The following RASEF variants were observed in gnomAD, a reference collection of about 807,000 sequenced individuals.
RASEF encodes the protein RAS and EF-hand domain containing.
Under a neutral mutation model 90.1 loss-of-function variants are expected in RASEF, and 68 were observed. The observed-to-expected ratio is 0.75, with a 90% CI of 0.62 to 0.92. The LOEUF (loss-of-function observed/expected upper bound fraction) is 0.92. Among genes scored for constraint, RASEF ranks in the 40% least tolerant of loss-of-function variants. RASEF has a pLI of 0.00. For missense variants in RASEF, 949 were observed against 937.2 expected (o/e 1.01, Z -0.16); for synonymous variants, 331 against 345.2 (o/e 0.96, Z 0.46).
chr9:83,177,916 C>A, the RASEF span, among the ~76,000 whole-genome samples: 1 of 151,978 alleles, frequency 6.6e-6, no homozygotes, highest in Non-Finnish European at 1.5e-5. Flanking sequence ...GGCATGCTTA[C>A]CGATTTTCTT....
chr9:83,095,600 G>A, the RASEF span, among the ~76,000 whole-genome samples: 19 of 151,658 alleles, frequency 1.3e-4, no homozygotes, highest in Non-Finnish European at 2.5e-4. Context: ...ATTTTAATTC[G>A]AAGTTTATAG....
rs1217162391 is a variant in RASEF, at chr9:82,990,453, T to A, written c.2055A>T (p.Leu685Phe). 1.9e-6 allele frequency: 3 copies of A among 1,612,394 alleles called. No homozygotes were observed. The South Asian group carries it at 3.3e-5, about 18-fold the overall frequency. ...GEKLAMTYGA[L>F]FCETSAKDGS... ...CATCTTTGGCACTTGTTTCACAGAA[T>A]AATGCCCCATACGTCTGTAAAAAAG... The change falls in exon 16 of 17, where the codon TTA becomes TTT. Residue 685 changes from leucine (L) to phenylalanine (F), a missense_variant. Leu to Phe is a conservative substitution (Grantham distance 22). Around this residue, in one of 3 missense-constraint regions of RASEF, gnomAD observed 288 missense variants for 328.4 expected, o/e 0.88. Transcript: ENST00000376447.
chr9:83,034,227 C>G (rs1829700347), intron 1 of RASEF, among the ~76,000 whole-genome samples: 1 of 152,204 alleles, frequency 6.6e-6, no homozygotes, highest in Admixed American at 6.5e-5. Flanking sequence ...GCTCTCCAAT[C>G]TAGAGAAAAC....
intron 2 of RASEF, among the ~76,000 whole-genome samples, chr9:83,025,002 A>G (rs1331550004): frequency 6.6e-6 from 1 of 152,226 alleles, no homozygotes; most frequent in African/African-American, 2.4e-5. Context: ...GAACTGTGAC[A>G]AGCACAATGC....
At chr9:83,185,175 T>A in the RASEF span, among the ~76,000 whole-genome samples, 34 of 152,198 alleles carry the variant, frequency 2.2e-4, no homozygotes, top group Non-Finnish European at 4.0e-4. Context: ...TTATTTTTAA[T>A]GATAAAAATA....
the RASEF span, among the ~76,000 whole-genome samples, chr9:83,123,644 G>A: frequency 2.6e-5 from 4 of 152,082 alleles, no homozygotes; most frequent in Non-Finnish European, 5.9e-5. Flanking sequence ...CGTGCTCTTC[G>A]AGTCTTCTGG....
chr9:83,152,713 C>T, the RASEF span, among the ~76,000 whole-genome samples: 8 of 142,284 alleles, frequency 5.6e-5, no homozygotes, highest in East Asian at 2.0e-4. Flanking sequence ...AATATATATG[C>T]GCATGTGCGC....
chr9:83,127,469 T>G, the RASEF span, among the ~76,000 whole-genome samples: 3 of 151,818 alleles, frequency 2.0e-5, no homozygotes, highest in South Asian at 4.2e-4. Flanking sequence ...AAAGGAAAGT[T>G]GAAGAGAGAG....
the RASEF span, among the ~76,000 whole-genome samples, chr9:83,141,273 T>C: frequency 3.2e-4 from 49 of 151,550 alleles, no homozygotes; most frequent in Admixed American, 7.2e-4. Context: ...AGAAGATGCC[T>C]CCCAGAAAGC....
the RASEF span, among the ~76,000 whole-genome samples, chr9:83,128,229 A>G: frequency 6.6e-6 from 1 of 151,954 alleles, no homozygotes; most frequent in Non-Finnish European, 1.5e-5. Context: ...CATAGTGACA[A>G]CGGCAGGAGG....
chr9:83,039,183 CA>C (rs1229690978), intron 1 of RASEF, among the ~76,000 whole-genome samples: 3 of 152,112 alleles, frequency 2.0e-5, no homozygotes, highest in Non-Finnish European at 2.9e-5. Flanking sequence ...AAGGCTTTCC[CA>C]AAAGTCACCT....
chr9:83,058,901 A>AAAC (rs1830150869), intron 1 of RASEF, among the ~76,000 whole-genome samples: 1 of 152,190 alleles, frequency 6.6e-6, no homozygotes, highest in Non-Finnish European at 1.5e-5. Context: ...AAACCATGTG[A>AAAC]AACAGCTAAC....
chr9:83,076,710 C>A, the RASEF span, among the ~76,000 whole-genome samples: 3 of 152,154 alleles, frequency 2.0e-5, no homozygotes, highest in African/African-American at 7.2e-5. Context: ...GAAGTGTTTG[C>A]TCAATGGATT....
chr9:83,135,676 A>G, the RASEF span, among the ~76,000 whole-genome samples: 1 of 152,158 alleles, frequency 6.6e-6, no homozygotes, highest in African/African-American at 2.4e-5. Context: ...GATAATCACC[A>G]GTCAATCCAT....
chr9:83,140,970 C>G, the RASEF span, among the ~76,000 whole-genome samples: 1 of 151,918 alleles, frequency 6.6e-6, no homozygotes, highest in East Asian at 1.9e-4. Flanking sequence ...TGGTGAAACC[C>G]TGTCTCTATT....
Position 83,007,489 on chromosome 9 carries a change from G to C in RASEF, c.976C>G (p.Arg326Gly), listed in dbSNP as rs759110477. 1.2e-6 allele frequency: 2 copies of C among 1,612,522 alleles called. No individual in the cohort carries two copies. The highest frequency in any genetic ancestry group is 1.7e-6 in the Non-Finnish European group (2 of 1,178,752). ...LNTERDLEII[R>G]AYTEDRNSLE... is the part of the protein sequence containing the mutation. ...CTATTTCGATCTTCTGTGTATGCTC[G>C]GATTATTTCCAGATCCCTGTAAAAT... The change falls in exon 7 of 17, where the codon CGA (arginine) becomes GGA (glycine). Residue 326 changes from arginine (R) to glycine (G), a missense_variant. By Grantham distance (125) the Arg-to-Gly change is moderately radical. Transcript: ENST00000376447.
At chr9:83,113,762 G>A in the RASEF span, among the ~76,000 whole-genome samples, 28 of 152,250 alleles carry the variant, frequency 1.8e-4, no homozygotes, top group Admixed American at 5.2e-4. Context: ...TAGTCAGACC[G>A]GTTCTCTGCT....
At chr9:83,113,644 G>A in the RASEF span, among the ~76,000 whole-genome samples, 6 of 152,118 alleles carry the variant, frequency 3.9e-5, no homozygotes, top group South Asian at 2.1e-4. Context: ...AGATGGCCGC[G>A]CTGGGAGTGT....
At chr9:83,172,979 C>G in the RASEF span, among the ~76,000 whole-genome samples, 1 of 151,944 alleles carries the variant, frequency 6.6e-6, no homozygotes, top group African/African-American at 2.4e-5. Context: ...AAGTCTTTAT[C>G]TCTCCTGCAT....
Sources: allele counts gnomAD v4.1 joint callset (sites outside exome capture counted in the v4.1 genomes callset), GRCh38; gene constraint gnomAD v4.1.1; regional missense constraint gnomAD v4.1.1; transcripts MANE v1.5; gene names NCBI Gene and HGNC (gene_info 2026-07-23, HGNC 2026-07-21).